Variants in PIWIL2 observed in about 807,000 individuals in gnomAD.
PIWIL2 encodes the protein piwi-like protein 2.
A neutral mutation model predicts 116.5 loss-of-function variants in PIWIL2; 81 were observed. The ratio of observed to expected loss-of-function variants is 0.70; its 90% CI spans 0.58 to 0.84. The LOEUF (loss-of-function observed/expected upper bound fraction) is 0.84. PIWIL2 is among the 40% of genes least tolerant of loss of function. PIWIL2 has a pLI of 0.00. For synonymous variants in PIWIL2, 489 were observed against 429.5 expected, an observed-to-expected ratio of 1.14 and a Z score of -1.71; for missense variants, 1,272 against 1,212.3, an observed-to-expected ratio of 1.05 and a Z score of -0.73.
chr8:22,288,501 G>T, intron 7 of PIWIL2, 41 bp from the exon 8 acceptor site: 1 of 1,574,068 alleles, frequency 6.4e-7, no homozygotes, highest in Non-Finnish European at 8.7e-7. Flanking sequence ...TTAGTTCTTA[G>T]TTTTGTCATT....
In PIWIL2 at chr8:22,287,646, G is replaced by C; in HGVS notation, c.861+1G>C. The C allele has an allele frequency of 6.4e-7, 1 of 1,554,308 alleles. No individual in the cohort carries two copies. Among genetic ancestry groups the C allele is most frequent in the Non-Finnish European group, 8.9e-7 (1 of 1,125,288 alleles). On this transcript the variant is annotated splice_donor_variant, in intron 7 of 22. Transcript: ENST00000356766. LOFTEE classifies it high-confidence loss of function. ...CTATCTGCCTGTTAAGCTTCAACAAGTGAGACCAAACAGGAAATGGACTTT... is the reference window on the plus strand; with the variant it reads ...CTATCTGCCTGTTAAGCTTCAACAACTGAGACCAAACAGGAAATGGACTTT...
intron 12 of PIWIL2, 31 bp from the exon 13 acceptor site, chr8:22,305,896 C>T: frequency 6.5e-7 from 1 of 1,544,124 alleles, no homozygotes; most frequent in Non-Finnish European, 9.0e-7. Flanking sequence ...CTTGTACTGC[C>T]TTATTTTCCC....
At chr8:22,285,001 T>C (rs555771813) in intron 6 of PIWIL2, among the ~76,000 whole-genome samples, 2 of 152,344 alleles carry the variant, frequency 1.3e-5, no homozygotes, top group South Asian at 2.1e-4. Flanking sequence ...TACAAGATGA[T>C]GTTTTGGTAT....
chr8:22,334,402 G>C (rs2132083883), intron 20 of PIWIL2, among the ~76,000 whole-genome samples: 1 of 150,926 alleles, frequency 6.6e-6, no homozygotes, highest in South Asian at 2.1e-4. Flanking sequence ...GGCGCCTATA[G>C]CCCCAGCTAC....
intron 19 of PIWIL2, 124 bp downstream of exon 19, chr8:22,316,457 C>T (rs1831462473): frequency 4.4e-6 from 3 of 684,072 alleles, no homozygotes; most frequent in Admixed American, 2.6e-5. Context: ...ACATTTTCTT[C>T]CTCTATCTTC....
At chr8:22,316,219 G>A in intron 18 of PIWIL2, 26 bp from the exon 19 acceptor site, 2 of 1,503,788 alleles carry the variant, frequency 1.3e-6, no homozygotes, top group Non-Finnish European at 1.9e-6. Flanking sequence ...CTGGGGTTTG[G>A]TTTTTGTTTT....
chr8:22,276,986 G>T (rs916395871), intron 1 of PIWIL2, among the ~76,000 whole-genome samples: 12 of 151,852 alleles, frequency 7.9e-5, no homozygotes, highest in African/African-American at 2.2e-4. Flanking sequence ...GCCCCTTAAA[G>T]AGGGAGTCTT....
chr8:22,312,057 A>G (rs1831345417), intron 16 of PIWIL2, among the ~76,000 whole-genome samples: 1 of 151,040 alleles, frequency 6.6e-6, no homozygotes, highest in South Asian at 2.2e-4. Flanking sequence ...TGAGCCCAGG[A>G]GTTTGAGACC....
chr8:22,301,840 A>G (rs922611229), intron 10 of PIWIL2, among the ~76,000 whole-genome samples: 2 of 152,122 alleles, frequency 1.3e-5, no homozygotes, highest in Non-Finnish European at 2.9e-5. Context: ...TACATGTTTA[A>G]GTATCATAGC....
At position 22,287,593 on chromosome 8, in the gene PIWIL2, A is replaced by C; in HGVS notation, c.809A>C (p.Asn270Thr). The C allele has an allele frequency of 6.2e-7, 1 of 1,613,938 alleles. No homozygotes were observed. Among genetic ancestry groups the C allele is most frequent in the Non-Finnish European group, 8.5e-7 (1 of 1,179,768 alleles). The change falls in exon 7 of 23, where the codon AAC becomes ACC. Residue 270 changes from asparagine to threonine, a missense_variant. Transcript: ENST00000356766. ...AAGGACCATCAAGCTGTCACCGGCA[A>C]CGTCACTGCGTTTGATGGATCTATT... Reference protein sequence around the residue: ...MLKDHQAVTGNVTAFDGSILY... With the variant: ...MLKDHQAVTGTVTAFDGSILY...
At chr8:22,275,677 C>T (rs1267117203) in intron 1 of PIWIL2, 1 of 152,370 alleles carries the variant, frequency 6.6e-6, no homozygotes, top group African/African-American at 2.4e-5. Flanking sequence ...GGAGATAGAA[C>T]CCCTGGCAGG....
At chr8:22,288,772 G>A in intron 8 of PIWIL2, 106 bp downstream of exon 8, 1 of 970,734 alleles carries the variant, frequency 1.0e-6, no homozygotes, top group Non-Finnish European at 1.5e-6. Context: ...TATTCTAGAT[G>A]GGTTTGGAAG....
intron 20 of PIWIL2, among the ~76,000 whole-genome samples, chr8:22,324,900 G>A (rs185051605): frequency 9.9e-5 from 15 of 152,280 alleles, no homozygotes; most frequent in Admixed American, 9.8e-4. Context: ...CCAGAAGCTA[G>A]GAGAGAGGCA....
intron 20 of PIWIL2, among the ~76,000 whole-genome samples, chr8:22,327,685 A>G (rs1831759361): frequency 1.3e-5 from 2 of 152,030 alleles, no homozygotes; most frequent in South Asian, 4.1e-4. Flanking sequence ...CACTGTTGTG[A>G]AGTATCTCAT....
At chr8:22,298,172 A>T (rs1222769634) in intron 10 of PIWIL2, among the ~76,000 whole-genome samples, 1 of 152,078 alleles carries the variant, frequency 6.6e-6, no homozygotes, top group Non-Finnish European at 1.5e-5. Flanking sequence ...TGGGAGAATC[A>T]TCTGAGCTGG....
intron 20 of PIWIL2, among the ~76,000 whole-genome samples, chr8:22,320,096 G>A (rs1831560208): frequency 6.6e-6 from 1 of 151,970 alleles, no homozygotes; most frequent in Non-Finnish European, 1.5e-5. Flanking sequence ...CTGAATAGCT[G>A]GGATTATAGG....
intron 20 of PIWIL2, among the ~76,000 whole-genome samples, chr8:22,319,979 TG>T (rs1831556659): frequency 6.6e-6 from 1 of 152,224 alleles, no homozygotes; most frequent in South Asian, 2.1e-4. Flanking sequence ...TTTCTTTTTT[TG>T]AGACAGGGTC....
chr8:22,346,264 ATG>A (rs1031653019), intron 20 of PIWIL2, among the ~76,000 whole-genome samples: 20 of 152,174 alleles, frequency 1.3e-4, no homozygotes, highest in African/African-American at 4.8e-4. Flanking sequence ...GATGAGTTTT[ATG>A]GTATTTCGAA....
chr8:22,301,726 G>GTT (rs35476597), intron 10 of PIWIL2, among the ~76,000 whole-genome samples: 73 of 147,940 alleles, frequency 4.9e-4, no homozygotes, highest in South Asian at 3.4e-3. Context: ...AAGATTTTCT[G>GTT]TTTTTTTTTT....
Sources: allele counts gnomAD v4.1 joint callset (sites outside exome capture counted in the v4.1 genomes callset), GRCh38; gene constraint gnomAD v4.1.1; transcripts MANE v1.5; gene names NCBI Gene and HGNC (gene_info 2026-07-23, HGNC 2026-07-21).